The following IL1RAPL2 variants were observed in gnomAD, a reference collection of about 807,000 sequenced individuals.
IL1RAPL2 encodes the protein X-linked interleukin-1 receptor accessory protein-like 2.
IL1RAPL2 carries 3 observed loss-of-function variants against 44.1 expected under a neutral mutation model. That is an observed-to-expected ratio of 0.07 (90% CI 0.03 to 0.18). IL1RAPL2 has a LOEUF of 0.18. Ranked by LOEUF, IL1RAPL2 falls within the 10% of genes least tolerant of loss-of-function variation. IL1RAPL2 has a pLI of 1.00. For synonymous variants in IL1RAPL2, 181 were observed against 178.8 expected (o/e 1.01, Z -0.10); for missense variants, 391 against 496.4 (o/e 0.79, Z 2.02).
chrX:104,624,341 C>T (rs1050672035), intron 1 of IL1RAPL2, among the ~76,000 whole-genome samples: 2 of 110,350 alleles, frequency 1.8e-5, no homozygotes, highest in African/African-American at 6.6e-5. Context: ...TATAGGGATA[C>T]TTTCATTACA....
intron 2 of IL1RAPL2, among the ~76,000 whole-genome samples, chrX:105,058,406 T>G (rs747143192): frequency 8.9e-6 from 1 of 111,928 alleles, no homozygotes; most frequent in South Asian, 3.7e-4. Context: ...TTTTAGGTGG[T>G]AGAGTAATAA....
chrX:105,024,576 T>C (rs1014766179), intron 2 of IL1RAPL2, among the ~76,000 whole-genome samples: 3 of 111,370 alleles, frequency 2.7e-5, no homozygotes, highest in Admixed American at 1.9e-4. Context: ...AAATTCGACA[T>C]TGCTGGTTTT....
In IL1RAPL2 at chrX:105,141,364, G is replaced by A. The variant is rs566027282; in HGVS notation, c.83-54111G>A. ...GGGATGTCAAGCAGAAATAACTGGT[G>A]GTATCATAGCTTACAATGCTGGGGT... On this transcript the variant is annotated intron_variant, in intron 2 of 10. Coordinates refer to ENST00000372582, the MANE Select transcript of IL1RAPL2 (RefSeq NM_017416.2). Among the ~76,000 whole-genome samples the A allele has an allele frequency of 6.2e-4, 68 of 110,320 alleles. 1 individual carries two copies. In the South Asian group the frequency reaches 0.018, roughly 30 times the overall value.
chrX:105,584,350 A>G (rs1289200603), intron 6 of IL1RAPL2, among the ~76,000 whole-genome samples: 1 of 111,677 alleles, frequency 9.0e-6, no homozygotes, highest in Non-Finnish European at 1.9e-5. Context: ...TCATCATGAA[A>G]TGCCCTCCTT....
chrX:104,675,482 G>C (rs1416475595), intron 2 of IL1RAPL2, among the ~76,000 whole-genome samples: 3 of 111,451 alleles, frequency 2.7e-5, no homozygotes, highest in Middle Eastern at 4.6e-3. Context: ...TATAATTTCT[G>C]TTCTTTTACA....
At chrX:104,784,470 C>T (rs575158924) in intron 2 of IL1RAPL2, among the ~76,000 whole-genome samples, 50 of 111,698 alleles carry the variant, frequency 4.5e-4, no homozygotes, top group Middle Eastern at 4.7e-3. Context: ...GAGGCTATTG[C>T]TAGTCTCCTC....
chrX:104,836,317 A>C (rs1399830405), intron 2 of IL1RAPL2, among the ~76,000 whole-genome samples: 5 of 110,565 alleles, frequency 4.5e-5, no homozygotes, highest in African/African-American at 9.9e-5. Context: ...GTAAAAAAAA[A>C]CCCAGAAAGA....
At chrX:105,453,985 G>A (rs1406780622) in intron 5 of IL1RAPL2, among the ~76,000 whole-genome samples, 1 of 111,845 alleles carries the variant, frequency 8.9e-6, no homozygotes, top group African/African-American at 3.3e-5. Context: ...TTCAAGTAGA[G>A]TGTCTATGGA....
At chrX:105,165,213 C>T in intron 2 of IL1RAPL2, among the ~76,000 whole-genome samples, 1 of 111,886 alleles carries the variant, frequency 8.9e-6, no homozygotes, top group South Asian at 3.8e-4. Flanking sequence ...CCCCACTGAC[C>T]ATTCATTTAT....
intron 2 of IL1RAPL2, among the ~76,000 whole-genome samples, chrX:104,673,003 T>C (rs1330655360): frequency 8.9e-6 from 1 of 111,806 alleles, no homozygotes; most frequent in East Asian, 2.8e-4. Flanking sequence ...ATTAGCCCTT[T>C]GTCAGATGAG....
At chrX:104,696,109 A>C (rs1315384192) in intron 2 of IL1RAPL2, among the ~76,000 whole-genome samples, 1 of 112,112 alleles carries the variant, frequency 8.9e-6, no homozygotes, top group Non-Finnish European at 1.9e-5. Context: ...CGCCCAGCAA[A>C]GTAGGTACTG....
At chrX:105,133,511 C>G (rs900406226) in intron 2 of IL1RAPL2, among the ~76,000 whole-genome samples, 34 of 111,850 alleles carry the variant, frequency 3.0e-4, no homozygotes, top group African/African-American at 1.1e-3. Flanking sequence ...CACATGCACA[C>G]ACCCCAAATG....
At chrX:105,402,683 A>T (rs938873634) in intron 5 of IL1RAPL2, among the ~76,000 whole-genome samples, 2 of 111,501 alleles carry the variant, frequency 1.8e-5, no homozygotes, top group African/African-American at 6.5e-5. Context: ...CATATGTCTC[A>T]TACTCTATGT....
chrX:104,589,700 G>A (rs1928627917), intron 1 of IL1RAPL2, among the ~76,000 whole-genome samples: 1 of 111,488 alleles, frequency 9.0e-6, no homozygotes. Flanking sequence ...CATGGGGAGG[G>A]GATTTGTATA....
intron 2 of IL1RAPL2, among the ~76,000 whole-genome samples, chrX:104,862,306 AT>A (rs2147647911): frequency 9.0e-6 from 1 of 110,635 alleles, no homozygotes; most frequent in Non-Finnish European, 1.9e-5. Context: ...ATTGTGTCCC[AT>A]CCCCATCTTC....
intron 5 of IL1RAPL2, among the ~76,000 whole-genome samples, chrX:105,443,296 A>AT (rs2035933225): frequency 9.0e-6 from 1 of 111,682 alleles, no homozygotes; most frequent in Non-Finnish European, 1.9e-5. Flanking sequence ...TTATAATCAC[A>AT]TCATGGAAAA....
chrX:105,548,666 T>G (rs1223375735), intron 6 of IL1RAPL2, among the ~76,000 whole-genome samples: 1 of 111,548 alleles, frequency 9.0e-6, no homozygotes, highest in Non-Finnish European at 1.9e-5. Context: ...GACTGTAGGC[T>G]CTGGAATCAG....
At chrX:105,182,513 ATGT>A (rs2033542519) in intron 2 of IL1RAPL2, among the ~76,000 whole-genome samples, 2 of 111,088 alleles carry the variant, frequency 1.8e-5, no homozygotes, top group African/African-American at 6.6e-5. Context: ...TACTTTGTCT[ATGT>A]CTTTATATGT....
chrX:105,624,158 C>A (rs1200576955), intron 6 of IL1RAPL2, among the ~76,000 whole-genome samples: 2 of 111,233 alleles, frequency 1.8e-5, no homozygotes, highest in Non-Finnish European at 3.8e-5. Context: ...GCCATTGTGG[C>A]TGAGAAATAG....
Sources: allele counts gnomAD v4.1 joint callset (sites outside exome capture counted in the v4.1 genomes callset), GRCh38; gene constraint gnomAD v4.1.1; transcripts MANE v1.5; gene names NCBI Gene and HGNC (gene_info 2026-07-23, HGNC 2026-07-21).